ZNF573: variants seen among roughly 807,000 people sequenced by gnomAD.
ZNF573 encodes the protein zinc finger protein 573.
In ZNF573, 41 loss-of-function variants were observed where a neutral mutation model predicts 57.4. The ratio of observed to expected loss-of-function variants is 0.71; its 90% confidence interval spans 0.56 to 0.93. ZNF573 has a LOEUF of 0.93. Ranked by LOEUF, ZNF573 falls within the 40% of genes least tolerant of loss-of-function variation. ZNF573 has a pLI of 0.00. For synonymous variants in ZNF573, 249 were observed against 261.0 expected (o/e 0.95, Z 0.44); for missense variants, 730 against 794.8 (o/e 0.92, Z 0.98).
Position 37,740,177 on chromosome 19 carries a change from C to A in ZNF573, c.313G>T (p.Glu105Ter). Residue 105 changes from glutamate to a stop codon, truncating the protein, a stop_gained, in exon 5 of 5, where the codon GAG becomes TAG. Transcript: ENST00000536220. LOFTEE classifies it high-confidence loss of function. ...TQFTDLDLQC[E>*]IISYIEVPTY... ...GGTACTTCTATGTAGCTGATTATCT[C>A]ACACTGTAAATCCAAATCTGAAACA... 1 of 1,575,608 alleles carries A rather than the reference C, an allele frequency of 6.3e-7. No homozygotes were observed. Among genetic ancestry groups the A allele is most frequent in the South Asian group, 1.2e-5 (1 of 85,014 alleles).
At chr19:37,768,025 C>T (rs1170638951) in intron 4 of ZNF573, among the ~76,000 whole-genome samples, 4 of 152,012 alleles carry the variant, frequency 2.6e-5, no homozygotes, top group Non-Finnish European at 4.4e-5. Context: ...AGAAATACTG[C>T]TTGGAGGGTA....
chr19:37,738,447 G>A lies in ZNF573; in HGVS notation c.*45C>T. ...TAACATTCCATCATTTCTCACCAGT[G>A]TGGGCTGTCTGATGATGAATGGCGC... On this transcript the variant is annotated 3_prime_UTR_variant, in exon 5 of 5. Transcript: ENST00000536220. 6.7e-7 allele frequency: 1 copy of A among 1,489,306 alleles called. No individual in the cohort carries two copies. Among genetic ancestry groups the A allele is most frequent in the Non-Finnish European group, 8.9e-7 (1 of 1,119,846 alleles). 92.3% of individuals were successfully genotyped at this position (1,489,306 alleles called of 1,614,324 possible).
At chr19:37,755,965 G>A (rs1378668572) in intron 4 of ZNF573, among the ~76,000 whole-genome samples, 1 of 152,124 alleles carries the variant, frequency 6.6e-6, no homozygotes, top group Non-Finnish European at 1.5e-5. Flanking sequence ...CCACTACTTG[G>A]GCTCAACCCT....
In ZNF573 at chr19:37,755,206, G is replaced by A. The variant is rs566282747; in HGVS notation, c.295+14799C>T. 2.6e-5 allele frequency: 4 copies of A among 152,336 alleles called. No individual in the cohort carries two copies. In the East Asian group the frequency reaches 5.8e-4, roughly 22 times the overall value. The allele number at this position is 152,336 out of a possible 1,614,324, so 9.4% of individuals were successfully genotyped here. ...GATGGTCTCGATCTCCTTACCTCGTGATCCGCCCGCCTCGGCCTCCCAAAG... is the reference window on the plus strand; with the variant it reads ...GATGGTCTCGATCTCCTTACCTCGTAATCCGCCCGCCTCGGCCTCCCAAAG... On this transcript the variant is annotated intron_variant, in intron 4 of 4. Coordinates refer to ENST00000536220, the MANE Select transcript of ZNF573 (RefSeq NM_001172690.2).
chr19:37,744,562 AC>A (rs1260678270), intron 4 of ZNF573, among the ~76,000 whole-genome samples: 4 of 150,994 alleles, frequency 2.6e-5, no homozygotes, highest in Non-Finnish European at 5.9e-5. Flanking sequence ...ACACAATAAG[AC>A]CTCTTCTTTA....
chr19:37,738,494 ACACTTTTAT>A lies in ZNF573; in HGVS notation c.1987_1995del (p.Ile663_Val665del). 1.3e-6 allele frequency: 2 copies of A among 1,527,742 alleles called. No homozygotes were observed. Among genetic ancestry groups the A allele is most frequent in the Non-Finnish European group, 1.8e-6 (2 of 1,141,818 alleles). 94.6% of individuals were successfully genotyped at this position (1,527,742 alleles called of 1,614,324 possible). On this transcript the variant is annotated inframe_deletion, in exon 5 of 5. Coordinates refer to ENST00000536220, the MANE Select transcript of ZNF573 (RefSeq NM_001172690.2). ...GCGCGCTCGTACTCTTTACGGTCTTACACTTTTATGCTCCTATGAATTCTCTGATGGGCT... is the reference window on the plus strand; with the variant it reads ...GCGCGCTCGTACTCTTTACGGTCTTAGCTCCTATGAATTCTCTGATGGGCT...
rs768714845 is a variant in ZNF573, at chr19:37,740,214, CA to C, written c.296-21del. The C allele has an allele frequency of 1.8e-5, 27 of 1,519,412 alleles. No individual in the cohort carries two copies. Among genetic ancestry groups the C allele is most frequent in the South Asian group, 5.4e-5 (4 of 74,590 alleles). The allele number at this position is 1,519,412 out of a possible 1,614,324, so 94.1% of individuals were successfully genotyped here. On this transcript the variant is annotated intron_variant, in intron 4 of 4. Transcript: ENST00000536220. ...CCAAATCTGAAACAAAAGAGGACAA[CA>C]AAAAAAATTTGTATTTCTATACCAG...
At chr19:37,777,281 T>G (rs1051099636) in intron 1 of ZNF573, among the ~76,000 whole-genome samples, 1 of 152,162 alleles carries the variant, frequency 6.6e-6, no homozygotes, top group Non-Finnish European at 1.5e-5. Context: ...CCCAAAATGC[T>G]GGGATTACAG....
chr19:37,748,315 T>C (rs2045400880), intron 4 of ZNF573, among the ~76,000 whole-genome samples: 1 of 152,206 alleles, frequency 6.6e-6, no homozygotes, highest in South Asian at 2.1e-4. Flanking sequence ...GTGGGAGAGA[T>C]GTATACAGGA....
At chr19:37,744,106 GT>G (rs950193079) in intron 4 of ZNF573, among the ~76,000 whole-genome samples, 58 of 142,582 alleles carry the variant, frequency 4.1e-4, no homozygotes, top group Non-Finnish European at 6.8e-4. Flanking sequence ...CATGTATCCT[GT>G]TTTTTTTTTA....
At chr19:37,744,758 A>T (rs990247272) in intron 4 of ZNF573, among the ~76,000 whole-genome samples, 1 of 136,732 alleles carries the variant, frequency 7.3e-6, no homozygotes, top group African/African-American at 3.1e-5. Context: ...AAAAAAAAAG[A>T]AAAAAAAAAA....
At chr19:37,764,308 T>G (rs893849994) in intron 4 of ZNF573, among the ~76,000 whole-genome samples, 6 of 150,788 alleles carry the variant, frequency 4.0e-5, no homozygotes, top group Admixed American at 1.3e-4. Flanking sequence ...AGAGTTTTTT[T>G]TTGTTTTTTT....
chr19:37,745,884 A>G (rs1437348347), intron 4 of ZNF573, among the ~76,000 whole-genome samples: 1 of 152,222 alleles, frequency 6.6e-6, no homozygotes, highest in Non-Finnish European at 1.5e-5. Context: ...AAGACAATCC[A>G]AAGTCTGAGT....
chr19:37,771,389 A>G (rs2045657311), intron 3 of ZNF573, among the ~76,000 whole-genome samples, 175 bp downstream of exon 3: 1 of 152,216 alleles, frequency 6.6e-6, no homozygotes, highest in South Asian at 2.1e-4. Flanking sequence ...AAGGATGAAG[A>G]AAATGATGGT....
At chr19:37,775,958 C>A (rs2045704613) in intron 1 of ZNF573, among the ~76,000 whole-genome samples, 1 of 151,304 alleles carries the variant, frequency 6.6e-6, no homozygotes, top group African/African-American at 2.4e-5. Flanking sequence ...AGGAAAACTA[C>A]AAAACACTGC....
rs2045299188 is a variant in ZNF573, at chr19:37,739,359, C to G, written c.1131G>C (p.Gln377His). 6.2e-7 allele frequency: 1 copy of G among 1,613,926 alleles called. No homozygotes were observed. Among genetic ancestry groups the G allele is most frequent in the Non-Finnish European group, 8.5e-7 (1 of 1,180,012 alleles). The change falls in exon 5 of 5, where the codon CAG becomes CAC. Residue 377 changes from glutamine (Q) to histidine (H), a missense_variant. Coordinates refer to ENST00000536220, the MANE Select transcript of ZNF573 (RefSeq NM_001172690.2). ...FTLYRNLTRH[Q>H]NIHTGEKLFE... Reference sequence around the variant, plus strand: ...AAAGTTTCTCACCAGTATGAATATTCTGATGCCGAGTAAGATTTCTATACA... The same window carrying G: ...AAAGTTTCTCACCAGTATGAATATTGTGATGCCGAGTAAGATTTCTATACA...
At chr19:37,768,694 C>A (rs964618689) in intron 4 of ZNF573, among the ~76,000 whole-genome samples, 3 of 152,104 alleles carry the variant, frequency 2.0e-5, no homozygotes, top group African/African-American at 7.2e-5. Flanking sequence ...GAGATGGAGT[C>A]TCTCTCAGTC....
At chr19:37,764,303 T>G (rs1468790255) in intron 4 of ZNF573, among the ~76,000 whole-genome samples, 1 of 150,272 alleles carries the variant, frequency 6.7e-6, no homozygotes, top group Non-Finnish European at 1.5e-5. Flanking sequence ...TACTTAGAGT[T>G]TTTTTTTGTT....
At chr19:37,741,669 T>C (rs1197370619) in intron 4 of ZNF573, among the ~76,000 whole-genome samples, 1 of 152,128 alleles carries the variant, frequency 6.6e-6, no homozygotes, top group East Asian at 1.9e-4. Context: ...TAGGTATTGA[T>C]GGAACATATC....
Sources: gnomAD v4.1 joint callset for allele counts (sites outside exome capture counted in the v4.1 genomes callset) on GRCh38, gnomAD v4.1.1 for gene constraint, MANE v1.5 for transcripts, NCBI Gene and HGNC (gene_info 2026-07-23, HGNC 2026-07-21) for gene names.